Variants in AIF1L observed in about 807,000 individuals in gnomAD.
AIF1L encodes the protein allograft inflammatory factor 1 like.
In AIF1L, 12 loss-of-function variants were observed where a neutral mutation model predicts 20.7. That is an observed-to-expected ratio of 0.58 (90% CI 0.37 to 0.94). The LOEUF is 0.94. Ranked by LOEUF, AIF1L falls within the 40% of genes least tolerant of loss-of-function variation. The pLI is 0.01. For synonymous variants in AIF1L, 76 were observed against 65.1 expected, an observed-to-expected ratio of 1.17 and a Z score of -0.81; for missense variants, 173 against 185.3, an observed-to-expected ratio of 0.93 and a Z score of 0.39.
rs764508719 is a variant in AIF1L at position 131,120,772 on chromosome 9, C to T, written c.*450C>T. 22 of 340,504 alleles carry T rather than the reference C, an allele frequency of 6.5e-5. No individual in the cohort carries two copies. Among genetic ancestry groups the T allele is most frequent in the Non-Finnish European group, 5.8e-5 (11 of 188,552 alleles). The allele number at this position is 340,504 out of a possible 1,614,324, so 21.1% of individuals were successfully genotyped here. A position where few individuals can be genotyped will look rare whatever the true frequency, so the allele number is the denominator to read the frequency against. On this transcript the variant is annotated 3_prime_UTR_variant, in exon 6 of 6. Coordinates refer to ENST00000247291, the MANE Select transcript of AIF1L (RefSeq NM_031426.4). ...AGGGACAAGGCTGCAGGGCCTCTTT[C>T]GGGTTTCCTTGGACAGTGCCATGGC...
At chr9:131,112,850 C>T (rs1206236808) in intron 3 of AIF1L, among the ~76,000 whole-genome samples, 2 of 152,198 alleles carry the variant, frequency 1.3e-5, no homozygotes, top group Admixed American at 1.3e-4. Flanking sequence ...AGCGTGGCCA[C>T]TCCCAGGGGT....
At position 131,120,677 on chromosome 9, in the gene AIF1L, C is replaced by T. The variant is rs999180146; in HGVS notation, c.*355C>T. The T allele has an allele frequency of 2.0e-5, 6 of 301,404 alleles. No individual in the cohort carries two copies. The highest frequency in any genetic ancestry group is 3.7e-5 in the Non-Finnish European group (6 of 163,896). 18.7% of individuals were successfully genotyped at this position (301,404 alleles called of 1,614,324 possible). A position where few individuals can be genotyped will look rare whatever the true frequency, so the allele number is the denominator to read the frequency against. On this transcript the variant is annotated 3_prime_UTR_variant, in exon 6 of 6. Coordinates refer to ENST00000247291, the MANE Select transcript of AIF1L (RefSeq NM_031426.4). ...ACTCTCCATCCTTTCAGAAAGTCTC[C>T]AAGCCAAGTTCAGGCTCACTGACCT...
At chr9:131,096,715 T>A (rs189877947) in intron 1 of AIF1L, 55 bp downstream of exon 1, 18,553 of 1,446,682 alleles carry the variant, frequency 0.013, 145 homozygotes, top group Non-Finnish European at 0.015. Flanking sequence ...GACCGCGGGG[T>A]CCACCGCGCG....
chr9:131,096,719 C>CCGCGCGCGGGAAGCGGGCGGGGACGGGGG, intron 1 of AIF1L, 59 bp downstream of exon 1: 2 of 1,449,542 alleles, frequency 1.4e-6, no homozygotes, highest in Non-Finnish European at 1.8e-6. Flanking sequence ...GCGGGGTCCA[C>CCGCGCGCGGGAAGCGGGCGGGGACGGGGG]CGCGCGCGGG....
chr9:131,099,787 C>T (rs1277640241), intron 2 of AIF1L, among the ~76,000 whole-genome samples: 4 of 146,374 alleles, frequency 2.7e-5, no homozygotes, highest in East Asian at 4.0e-4. Context: ...AGTGCAGTGG[C>T]GTGATCTCAG....
chr9:131,111,897 C>A, intron 3 of AIF1L: 1 of 552,050 alleles, frequency 1.8e-6, no homozygotes, highest in Non-Finnish European at 3.2e-6. Context: ...GCAGCCCGGT[C>A]CTGGCCCTGC....
At chr9:131,114,137 A>G (rs1564168248) in intron 3 of AIF1L, 1 of 185,738 alleles carries the variant, frequency 5.4e-6, no homozygotes, top group East Asian at 1.3e-4. Context: ...AGTGGTTCCC[A>G]CACCCGGTTG....
chr9:131,099,583 C>T (rs1202467210), intron 2 of AIF1L, among the ~76,000 whole-genome samples: 3 of 152,230 alleles, frequency 2.0e-5, no homozygotes, highest in African/African-American at 7.2e-5. Context: ...GCAGCTTGGG[C>T]ACCGCCATGG....
chr9:131,105,694 C>T (rs1204616018), intron 2 of AIF1L, among the ~76,000 whole-genome samples: 1 of 152,160 alleles, frequency 6.6e-6, no homozygotes, highest in Non-Finnish European at 1.5e-5. Flanking sequence ...AAACCCTAAG[C>T]CCCTCCAGCC....
chr9:131,100,597 C>T (rs1417817566), intron 2 of AIF1L, among the ~76,000 whole-genome samples: 1 of 152,230 alleles, frequency 6.6e-6, no homozygotes, highest in Non-Finnish European at 1.5e-5. Context: ...TTTGTATGTG[C>T]ACGCACGTGT....
chr9:131,096,691 G>A, intron 1 of AIF1L, 31 bp downstream of exon 1: 1 of 1,457,556 alleles, frequency 6.9e-7, no homozygotes. Flanking sequence ...GCAGCCACCT[G>A]TGCGCGCCGG....
chr9:131,096,752 G>C (rs749727466), intron 1 of AIF1L, 50 bp from the exon 2 acceptor site: 2 of 1,497,116 alleles, frequency 1.3e-6, no homozygotes, highest in Non-Finnish European at 1.8e-6. Flanking sequence ...ACGGGGGCGC[G>C]TGGCCCGAAG....
At chr9:131,119,665 G>T (rs140554595) in intron 5 of AIF1L, among the ~76,000 whole-genome samples, 1 of 152,298 alleles carries the variant, frequency 6.6e-6, no homozygotes. Flanking sequence ...ATGAGCCCAC[G>T]GTCCAATCTG....
chr9:131,102,318 C>T (rs559539104), intron 2 of AIF1L, among the ~76,000 whole-genome samples: 2 of 152,300 alleles, frequency 1.3e-5, no homozygotes, highest in East Asian at 3.9e-4. Context: ...CTGCCCTTCC[C>T]CCAGCAATGG....
chr9:131,107,910 G>C (rs1830786413), intron 2 of AIF1L: 1 of 152,360 alleles, frequency 6.6e-6, no homozygotes, highest in East Asian at 1.9e-4. Flanking sequence ...GATGGGGTGA[G>C]GGAGCAGTGC....
At chr9:131,101,709 A>G (rs1023479733) in intron 2 of AIF1L, among the ~76,000 whole-genome samples, 11 of 152,300 alleles carry the variant, frequency 7.2e-5, no homozygotes, top group Admixed American at 5.2e-4. Context: ...AAGGTCACCC[A>G]GCCAGGAAGT....
intron 2 of AIF1L, among the ~76,000 whole-genome samples, chr9:131,105,534 AG>A (rs1240951482): frequency 6.6e-6 from 1 of 151,896 alleles, no homozygotes; most frequent in Non-Finnish European, 1.5e-5. Context: ...TAGTAGAGAC[AG>A]GATTTCACCA....
intron 2 of AIF1L, chr9:131,106,332 T>C (rs2133384352): frequency 8.5e-6 from 10 of 1,172,212 alleles, no homozygotes; most frequent in Non-Finnish European, 8.6e-6. Context: ...GCGTCTGCTA[T>C]GTGGAACCTA....
chr9:131,104,714 A>G (rs1448680121), intron 2 of AIF1L, among the ~76,000 whole-genome samples: 3 of 152,176 alleles, frequency 2.0e-5, no homozygotes, highest in African/African-American at 7.2e-5. Flanking sequence ...GTATTAGAAA[A>G]AAATAATAAA....
Sources: gnomAD v4.1 joint callset for allele counts (sites outside exome capture counted in the v4.1 genomes callset) on GRCh38, gnomAD v4.1.1 for gene constraint, MANE v1.5 for transcripts, NCBI Gene and HGNC (gene_info 2026-07-23, HGNC 2026-07-21) for gene names.